Variants in ZNF83 observed in about 807,000 individuals in gnomAD.
ZNF83 encodes zinc finger protein 83.
For synonymous variants in ZNF83, 209 were observed against 213.0 expected (o/e 0.98, Z 0.17); for missense variants, 552 against 629.9 (o/e 0.88, Z 1.32).
chr19:52,649,825 A>C (rs145332093), intron 3 of ZNF83, among the ~76,000 whole-genome samples: 36 of 152,196 alleles, frequency 2.4e-4, no homozygotes, highest in African/African-American at 8.4e-4. Context: ...TGGAAAAAAC[A>C]GTCTATACGG....
upstream of ZNF83, among the ~76,000 whole-genome samples, chr19:52,641,387 A>G (rs2061303208): frequency 6.6e-6 from 1 of 152,250 alleles, no homozygotes; most frequent in Non-Finnish European, 1.5e-5. Flanking sequence ...TTGATCATTT[A>G]TTATTTGCAG....
chr19:52,658,681 C>A (rs1194249929), intron 2 of ZNF83, among the ~76,000 whole-genome samples: 3 of 152,148 alleles, frequency 2.0e-5, no homozygotes, highest in Non-Finnish European at 2.9e-5. Flanking sequence ...GCTGAAGGCA[C>A]CCGGTTCTTA....
intron 3 of ZNF83, chr19:52,653,309 A>T (rs927801791): frequency 2.5e-5 from 34 of 1,348,890 alleles, no homozygotes; most frequent in Non-Finnish European, 3.4e-5. Context: ...CATTCATTAC[A>T]TGTGTAAGGT....
intron 3 of ZNF83, among the ~76,000 whole-genome samples, chr19:52,643,456 C>T (rs1568559453): frequency 1.3e-5 from 2 of 151,532 alleles, no homozygotes; most frequent in Non-Finnish European, 2.9e-5. Context: ...AATCCTAGCA[C>T]GTTGGGAGGC....
intron 2 of ZNF83, among the ~76,000 whole-genome samples, chr19:52,656,944 C>T (rs1257117716): frequency 6.6e-6 from 1 of 151,744 alleles, no homozygotes; most frequent in African/African-American, 2.4e-5. Flanking sequence ...CCTACACACA[C>T]TTCAATTAAC....
intron 3 of ZNF83, among the ~76,000 whole-genome samples, chr19:52,644,780 C>T (rs931444304): frequency 5.3e-5 from 8 of 151,668 alleles, no homozygotes; most frequent in African/African-American, 1.7e-4. Context: ...TTTGGGAGGT[C>T]GAGGCAGGTG....
At chr19:52,627,428 G>C (rs553204757) in intron 2 of ZNF83, among the ~76,000 whole-genome samples, 4 of 152,064 alleles carry the variant, frequency 2.6e-5, no homozygotes, top group Non-Finnish European at 5.9e-5. Context: ...TTGGGAGGCC[G>C]AGGTGGGTGG....
At chr19:52,652,270 T>G (rs681090) in intron 3 of ZNF83, 118,617 of 236,918 alleles carry the variant, frequency 0.5, 30,772 homozygotes, top group East Asian at 0.71. Context: ...ACCCTGTCTC[T>G]ACTAAAAACA....
chr19:52,625,455 CTGTG>C (rs1430477431), intron 2 of ZNF83, among the ~76,000 whole-genome samples: 7 of 152,162 alleles, frequency 4.6e-5, no homozygotes, highest in Admixed American at 2.6e-4. Flanking sequence ...GCTACTATTT[CTGTG>C]GTCACTCCAT....
At chr19:52,656,720 G>A (rs1246611770) in intron 2 of ZNF83, among the ~76,000 whole-genome samples, 1 of 152,006 alleles carries the variant, frequency 6.6e-6, no homozygotes, top group Non-Finnish European at 1.5e-5. Context: ...ACAAAAATTA[G>A]CTTGGTATGG....
At chr19:52,676,884 A>C (rs574122408) in intron 1 of ZNF83, among the ~76,000 whole-genome samples, 19 of 131,462 alleles carry the variant, frequency 1.4e-4, no homozygotes, top group Admixed American at 2.4e-4. Flanking sequence ...AAATGGATTA[A>C]GGGTGGTGCA....
rs1233488830 is a variant in ZNF83, at chr19:52,655,560, C to A, written c.-74+1G>T. ...CACATCAGGAGGGACATTTTCCTCACCCACAGACTCCAGGTTCCTGTAGTT... is the reference window on the plus strand; with the variant it reads ...CACATCAGGAGGGACATTTTCCTCAACCACAGACTCCAGGTTCCTGTAGTT... On this transcript the variant is annotated splice_donor_variant, in intron 3 of 5. Transcript: ENST00000594682. LOFTEE classifies it low-confidence loss of function (5UTR_SPLICE). 1.5e-5 allele frequency: 22 copies of A among 1,494,656 alleles called. No homozygotes were observed. In the Admixed American group the frequency reaches 3.5e-4, roughly 24 times the overall value. 92.6% of individuals were successfully genotyped at this position (1,494,656 alleles called of 1,614,324 possible). A position where few individuals can be genotyped will look rare whatever the true frequency, so the allele number is the denominator to read the frequency against.
chr19:52,653,944 A>T, intron 3 of ZNF83: 1 of 1,167,160 alleles, frequency 8.6e-7, no homozygotes, highest in Non-Finnish European at 1.3e-6. Context: ...TTGTGTCAAT[A>T]ATGAAGAATG....
At chr19:52,639,297 G>T (rs1301323831), upstream of ZNF83, among the ~76,000 whole-genome samples, 1 of 151,824 alleles carries the variant, frequency 6.6e-6, no homozygotes, top group Non-Finnish European at 1.5e-5. Context: ...TGTTGGTCAG[G>T]TTGGTCTCAA....
intron 1 of ZNF83, among the ~76,000 whole-genome samples, chr19:52,683,228 C>CTGTGTGTGTGTGTGTGTG: frequency 7.8e-6 from 1 of 128,060 alleles, no homozygotes; most frequent in East Asian, 2.2e-4. Flanking sequence ...CCCTGTGACT[C>CTGTGTGTGTGTGTGTGTG]TGTGTGTGTG....
chr19:52,690,183 A>C (rs779358229), intron 1 of ZNF83, among the ~76,000 whole-genome samples: 1 of 22,826 alleles, frequency 4.4e-5, no homozygotes, highest in Non-Finnish European at 8.6e-5. Flanking sequence ...TGATTTTGAG[A>C]AAAAAAAAAA....
chr19:52,620,254 C>CTGTGTGTG (rs200450539), intron 2 of ZNF83, among the ~76,000 whole-genome samples: 140 of 134,408 alleles, frequency 1.0e-3, no homozygotes, highest in African/African-American at 3.8e-3. Flanking sequence ...GTGTGTATAT[C>CTGTGTGTG]TGTGTGTGTA....
chr19:52,675,952 G>GA lies in ZNF83; in HGVS notation c.-283+14490dup, dbSNP rs1444678477. On this transcript the variant is annotated intron_variant, in intron 1 of 5. Transcript: ENST00000594682. ...CATGCTTGTAATCCCACCACTTTGG[G>GA]AGGCCGATGCAGGCAGATCATGAGG... Among the ~76,000 whole-genome samples the GA allele has an allele frequency of 3.3e-5, 5 of 152,144 alleles. No individual in the cohort carries two copies. The South Asian group carries it at 1.0e-3, about 31-fold the overall frequency.
At position 52,614,301 on chromosome 19, in the gene ZNF83, A is replaced by AAT. The variant is rs2060229158; in HGVS notation, c.262_263dup (p.Gly89LeufsTer26). 3.1e-6 allele frequency: 5 copies of AAT among 1,613,898 alleles called. No individual in the cohort carries two copies. In the East Asian group the frequency reaches 1.1e-4, roughly 36 times the overall value. ...CACTACATTTGTAGTGTTCTGTCCC[A>AAT]ATATTTGCTTTCTCTTTTTGTGTGA... is the stretch of plus-strand genomic sequence containing the variant. On this transcript the variant is annotated frameshift_variant, in exon 3 of 3. Coordinates refer to ENST00000301096, the Ensembl canonical transcript of ZNF83.
Sources: allele counts gnomAD v4.1 joint callset (sites outside exome capture counted in the v4.1 genomes callset), GRCh38; gene constraint gnomAD v4.1.1; transcripts MANE v1.5; gene names NCBI Gene and HGNC (gene_info 2026-07-23, HGNC 2026-07-21).